Variants in CENPP observed in about 807,000 individuals in gnomAD.
CENPP encodes centromere protein P.
A neutral mutation model predicts 35.6 loss-of-function variants in CENPP; 24 were observed. The observed-to-expected ratio is 0.67, with a 90% CI of 0.49 to 0.95. CENPP has a LOEUF of 0.95. Ranked by LOEUF, CENPP falls within the 40% of genes least tolerant of loss-of-function variation. The pLI is 0.00. For missense variants in CENPP, 332 were observed against 345.3 expected, an observed-to-expected ratio of 0.96 and a Z score of 0.31; for synonymous variants, 120 against 125.5, an observed-to-expected ratio of 0.96 and a Z score of 0.29.
At chr9:92,370,087 C>T (rs1841974560) in intron 4 of CENPP, among the ~76,000 whole-genome samples, 1 of 152,092 alleles carries the variant, frequency 6.6e-6, no homozygotes. Context: ...GTTTTTTTCC[C>T]TATATCTTGT....
chr9:92,592,092 T>C (rs985372886), intron 5 of CENPP, among the ~76,000 whole-genome samples: 8 of 152,042 alleles, frequency 5.3e-5, no homozygotes, highest in African/African-American at 1.9e-4. Context: ...TATAGACACA[T>C]ATACATGTAT....
chr9:92,534,272 G>T (rs1328216549), intron 5 of CENPP, among the ~76,000 whole-genome samples: 1 of 152,168 alleles, frequency 6.6e-6, no homozygotes, highest in Non-Finnish European at 1.5e-5. Context: ...GGGAGTTGGT[G>T]AGAGGGGAAG....
In CENPP at chr9:92,569,560, C is replaced by T. The variant is rs1429486247; in HGVS notation, c.565-41754C>T. On this transcript the variant is annotated intron_variant, in intron 5 of 7. Coordinates refer to ENST00000375587, the MANE Select transcript of CENPP (RefSeq NM_001012267.3). Reference sequence around the variant, plus strand: ...TTTGCTTAGGATTGTCTTGGAAATGCGGGCTCTTTTTTGGTTCCATATGAA... The same window carrying T: ...TTTGCTTAGGATTGTCTTGGAAATGTGGGCTCTTTTTTGGTTCCATATGAA... Among the ~76,000 whole-genome samples, 15 of 152,210 alleles carry T rather than the reference C, an allele frequency of 9.9e-5. No homozygotes were observed. The South Asian group carries it at 2.1e-3, about 21-fold the overall frequency.
chr9:92,503,601 G>A (rs1456021554), intron 5 of CENPP, among the ~76,000 whole-genome samples: 1 of 152,302 alleles, frequency 6.6e-6, no homozygotes, highest in South Asian at 2.1e-4. Context: ...ATTAGAGGGA[G>A]TTTTTCACTA....
rs1840476456 is a variant in CENPP at position 92,326,056 on chromosome 9, C to T, written c.58C>T (p.Arg20Ter). The change falls in exon 1 of 8, where the codon CGA becomes TGA. Residue 20 changes from arginine to a stop codon, truncating the protein, a stop_gained. Transcript: ENST00000375587. LOFTEE classifies it high-confidence loss of function. ...GCAAGCTGAGATCGCGGCCCTGCGG[C>T]GAGCGTGTGAGGACCCACCGGCGCC... Reference protein sequence around the residue: ...ALQAEIAALRRACEDPPAPWE... With the variant: ...ALQAEIAALR The T allele has an allele frequency of 1.9e-6, 3 of 1,564,484 alleles. No homozygotes were observed. Among genetic ancestry groups the T allele is most frequent in the African/African-American group, 1.4e-5 (1 of 73,180 alleles).
chr9:92,435,609 C>G (rs1844228296), intron 5 of CENPP, among the ~76,000 whole-genome samples: 2 of 152,160 alleles, frequency 1.3e-5, no homozygotes, highest in South Asian at 4.1e-4. Context: ...AAAAACTAAT[C>G]TTTTCTCAAT....
intron 5 of CENPP, among the ~76,000 whole-genome samples, chr9:92,592,403 G>A (rs1033922937): frequency 1.3e-5 from 2 of 152,170 alleles, no homozygotes; most frequent in Non-Finnish European, 1.5e-5. Flanking sequence ...CTAGTATTCT[G>A]TGCTGGCCTT....
At chr9:92,558,243 T>C (rs1849769684) in intron 5 of CENPP, among the ~76,000 whole-genome samples, 1 of 152,176 alleles carries the variant, frequency 6.6e-6, no homozygotes, top group South Asian at 2.1e-4. Flanking sequence ...AGGGTTGGTT[T>C]TCTGGTTCCT....
chr9:92,550,753 T>G (rs1326748656), intron 5 of CENPP, among the ~76,000 whole-genome samples: 1 of 152,250 alleles, frequency 6.6e-6, no homozygotes, highest in East Asian at 1.9e-4. Context: ...TATGTTTGAT[T>G]CTCTTATCTT....
chr9:92,577,919 A>G (rs953481652), intron 5 of CENPP, among the ~76,000 whole-genome samples: 1 of 150,446 alleles, frequency 6.6e-6, no homozygotes, highest in African/African-American at 2.4e-5. Context: ...ATCTACCATT[A>G]GGTATATCTC....
intron 5 of CENPP, among the ~76,000 whole-genome samples, chr9:92,554,429 C>T (rs112372500): frequency 2.8e-4 from 42 of 152,110 alleles, no homozygotes; most frequent in Admixed American, 4.6e-4. Flanking sequence ...GTGATCCACC[C>T]GCATCACCCT....
intron 4 of CENPP, among the ~76,000 whole-genome samples, chr9:92,364,825 T>A (rs1389756611): frequency 2.0e-5 from 3 of 152,158 alleles, no homozygotes; most frequent in Non-Finnish European, 4.4e-5. Flanking sequence ...GCTATAGGAA[T>A]ATAAATGCAT....
intron 4 of CENPP, among the ~76,000 whole-genome samples, chr9:92,351,068 T>A (rs1049258393): frequency 3.3e-5 from 5 of 152,226 alleles, no homozygotes; most frequent in African/African-American, 1.2e-4. Context: ...ATTTTTTTAC[T>A]GTGGCAAAAT....
intron 5 of CENPP, among the ~76,000 whole-genome samples, chr9:92,451,050 T>C (rs1190025934): frequency 6.6e-5 from 10 of 151,676 alleles, no homozygotes; most frequent in African/African-American, 2.2e-4. Context: ...GTAGGTTGCC[T>C]GTTCACTCTG....
intron 5 of CENPP, among the ~76,000 whole-genome samples, chr9:92,483,044 C>T (rs761047522): frequency 7.2e-5 from 11 of 152,142 alleles, no homozygotes; most frequent in Non-Finnish European, 1.6e-4. Flanking sequence ...GTAACACCCT[C>T]TTAGGATGCA....
chr9:92,465,615 G>A lies in CENPP; in HGVS notation c.564+85756G>A, dbSNP rs190901784. On this transcript the variant is annotated intron_variant, in intron 5 of 7. Transcript: ENST00000375587. ...GGTGTCAGAAATAAAATCAGGTAGA[G>A]TTTTAAATATAAGACAAAAAATTCC... is the stretch of plus-strand genomic sequence containing the variant. Among the ~76,000 whole-genome samples the A allele has an allele frequency of 4.6e-3, 702 of 152,230 alleles. 2 individuals carry two copies. The highest frequency in any genetic ancestry group is 8.2e-3 in the Non-Finnish European group (555 of 68,018).
intron 5 of CENPP, among the ~76,000 whole-genome samples, chr9:92,387,151 T>G (rs543832614): frequency 6.6e-6 from 1 of 150,454 alleles, no homozygotes; most frequent in South Asian, 2.1e-4. Context: ...TGTGGGTGGA[T>G]CACTTGAGGT....
chr9:92,620,158 ACATCACTTGTCTGTCATG>A lies in CENPP; in HGVS notation c.*7011_*7028del, dbSNP rs1851582936. 1 of 157,348 alleles carries A rather than the reference ACATCACTTGTCTGTCATG, an allele frequency of 6.4e-6. No homozygotes were observed. The highest frequency in any genetic ancestry group is 1.4e-5 in the Non-Finnish European group (1 of 70,664). 9.7% of individuals were successfully genotyped at this position (157,348 alleles called of 1,614,324 possible). A position where few individuals can be genotyped will look rare whatever the true frequency, so the allele number is the denominator to read the frequency against. On this transcript the variant is annotated 3_prime_UTR_variant, in exon 8 of 8. Coordinates refer to ENST00000375587, the MANE Select transcript of CENPP (RefSeq NM_001012267.3). ...CTTTACAGACAAGCAACAGACACAG[ACATCACTTGTCTGTCATG>A]CCCTGCTTGTCAATGGCAAGGCAGG...
rs1158232644 is a variant in CENPP at position 92,613,022 on chromosome 9, T to C, written c.740T>C (p.Leu247Pro). ...DLLTKVPQRA[L>P]ELDKNRAIET... ...CGGTTTAATGTTTTCTTTATAGCCCTGGAGCTGGACAAGAACAGAGCCATA... is the reference window on the plus strand; with the variant it reads ...CGGTTTAATGTTTTCTTTATAGCCCCGGAGCTGGACAAGAACAGAGCCATA... The change falls in exon 8 of 8, where the codon CTG (leucine) becomes CCG (proline). Residue 247 changes from leucine (L) to proline (P), a missense_variant. Physicochemically the swap from Leu to Pro is moderately conservative, Grantham distance 98. Transcript: ENST00000375587. 1 of 1,614,166 alleles carries C rather than the reference T, an allele frequency of 6.2e-7. No homozygotes were observed. Among genetic ancestry groups the C allele is most frequent in the South Asian group, 1.1e-5 (1 of 91,078 alleles).
Sources: allele counts gnomAD v4.1 joint callset (sites outside exome capture counted in the v4.1 genomes callset), GRCh38; gene constraint gnomAD v4.1.1; transcripts MANE v1.5; gene names NCBI Gene and HGNC (gene_info 2026-07-23, HGNC 2026-07-21).